The following VAV2 variants were observed in gnomAD, a reference collection of about 807,000 sequenced individuals.
The protein encoded by VAV2 is guanine nucleotide exchange factor VAV2.
Under a neutral mutation model 132.5 loss-of-function variants are expected in VAV2, and 67 were observed. The ratio of observed to expected loss-of-function variants is 0.51; its 90% CI spans 0.42 to 0.62. The LOEUF is 0.62. VAV2 is among the 20% of genes least tolerant of loss of function. The pLI, the probability that VAV2 is intolerant of heterozygous loss-of-function variation, is 0.00. For missense variants in VAV2, 938 were observed against 1,153.6 expected, an observed-to-expected ratio of 0.81 and a Z score of 2.71; for synonymous variants, 492 against 443.5, an observed-to-expected ratio of 1.11 and a Z score of -1.37.
intron 2 of VAV2, among the ~76,000 whole-genome samples, chr9:133,871,231 G>A (rs1250283833): frequency 6.7e-6 from 1 of 148,484 alleles, no homozygotes; most frequent in Non-Finnish European, 1.5e-5. Context: ...TACGTAGGTG[G>A]GTGGGCAGAT....
intron 2 of VAV2, among the ~76,000 whole-genome samples, chr9:133,916,369 A>C (rs2789834): frequency 6.6e-6 from 1 of 152,170 alleles, no homozygotes; most frequent in Non-Finnish European, 1.5e-5. Context: ...GTTTCTCTCC[A>C]CGGGATAAAG....
chr9:133,964,818 T>C (rs1842093579), intron 1 of VAV2, among the ~76,000 whole-genome samples: 1 of 152,114 alleles, frequency 6.6e-6, no homozygotes, highest in South Asian at 2.1e-4. Flanking sequence ...GAAGGAGCAC[T>C]CCTCTACACA....
chr9:133,833,425 C>T lies in VAV2; in HGVS notation c.449+847G>A, dbSNP rs764303286. Among the ~76,000 whole-genome samples, 8 of 152,174 alleles carry T rather than the reference C, an allele frequency of 5.3e-5. No homozygotes were observed. Among genetic ancestry groups the T allele is most frequent in the African/African-American group, 1.2e-4 (5 of 41,434 alleles). ...ACACTAAGAGTCTTCCAGAAGAAAC[C>T]GTAGTTGAGCTAAGAACACACAAGC... On this transcript the variant is annotated intron_variant, in intron 4 of 29. Coordinates refer to ENST00000371850, the MANE Select transcript of VAV2 (RefSeq NM_001134398.2). This position sits in a 1 kb window ranked among gnomAD's most constrained non-coding sequence, Gnocchi z 5.6.
At chr9:133,923,272 G>C (rs1477961932) in intron 2 of VAV2, among the ~76,000 whole-genome samples, 3 of 152,206 alleles carry the variant, frequency 2.0e-5, no homozygotes, top group Non-Finnish European at 4.4e-5. Flanking sequence ...GGGGAGAACA[G>C]TACGGAGTTT....
chr9:133,851,909 G>GGATGGGTGGA (rs1837196717), intron 3 of VAV2, among the ~76,000 whole-genome samples: 2 of 140,746 alleles, frequency 1.4e-5, no homozygotes, highest in African/African-American at 5.6e-5. Flanking sequence ...GGATGGATGG[G>GGATGGGTGGA]TGGATGGATG....
chr9:133,858,936 G>A (rs1837490315), intron 3 of VAV2, among the ~76,000 whole-genome samples: 2 of 152,238 alleles, frequency 1.3e-5, no homozygotes, highest in Non-Finnish European at 2.9e-5. Context: ...ACCTGAGAGG[G>A]AAGAGGGCAG....
At chr9:133,964,070 A>AT (rs1564507864) in intron 1 of VAV2, among the ~76,000 whole-genome samples, 17 of 89,324 alleles carry the variant, frequency 1.9e-4, no homozygotes, top group South Asian at 3.7e-4. Flanking sequence ...CATATATATA[A>AT]ATGAATAGGC....
chr9:133,899,511 C>T (rs1049322179), intron 2 of VAV2, among the ~76,000 whole-genome samples: 48 of 151,850 alleles, frequency 3.2e-4, no homozygotes, highest in African/African-American at 9.6e-4. Context: ...TGGGTTCAAG[C>T]GATTCTCATG....
intron 16 of VAV2, among the ~76,000 whole-genome samples, chr9:133,786,892 G>C (rs1834248460): frequency 6.6e-6 from 1 of 152,180 alleles, no homozygotes; most frequent in African/African-American, 2.4e-5. Context: ...GAGGAGGAAA[G>C]AAACAAGGAA....
intron 2 of VAV2, among the ~76,000 whole-genome samples, chr9:133,917,217 G>A (rs973072064): frequency 2.6e-5 from 4 of 152,016 alleles, no homozygotes; most frequent in African/African-American, 9.7e-5. Context: ...CCTCTTCCAG[G>A]GGCCAAGTTC....
At chr9:133,858,696 G>A (rs1170398311) in intron 3 of VAV2, among the ~76,000 whole-genome samples, 1 of 152,188 alleles carries the variant, frequency 6.6e-6, no homozygotes, top group African/African-American at 2.4e-5. Flanking sequence ...GACGCCCCCA[G>A]TGTTTATCCT....
At chr9:133,980,560 GGCA>G (rs1452699369) in intron 1 of VAV2, among the ~76,000 whole-genome samples, 1 of 152,150 alleles carries the variant, frequency 6.6e-6, no homozygotes, top group African/African-American at 2.4e-5. Context: ...CCAGCCATGG[GGCA>G]TGGCCACCTC....
intron 3 of VAV2, among the ~76,000 whole-genome samples, chr9:133,858,568 G>A (rs1029283505): frequency 1.3e-5 from 2 of 152,144 alleles, no homozygotes; most frequent in African/African-American, 4.8e-5. Flanking sequence ...GAGAACCTGA[G>A]GATGGTCTTG....
Position 133,912,633 on chromosome 9 carries a change from T to A in VAV2, c.321+26470A>T, listed in dbSNP as rs1218381234. On this transcript the variant is annotated intron_variant, in intron 2 of 29. Coordinates refer to ENST00000371850, the MANE Select transcript of VAV2 (RefSeq NM_001134398.2). The surrounding 1 kb of genome is among the most constrained non-coding windows in gnomAD (Gnocchi z 4.3). ...GGAACACAAATTACACGTGTGATGC[T>A]CTTCTCCACGTGTGCACAGCACTCC... Among the ~76,000 whole-genome samples the A allele has an allele frequency of 6.6e-6, 1 of 152,106 alleles. No individual in the cohort carries two copies. Among genetic ancestry groups the A allele is most frequent in the African/African-American group, 2.4e-5 (1 of 41,404 alleles).
intron 1 of VAV2, among the ~76,000 whole-genome samples, chr9:133,976,171 A>C (rs918650526): frequency 6.6e-6 from 1 of 151,676 alleles, no homozygotes; most frequent in African/African-American, 2.4e-5. Flanking sequence ...GCACCACTGC[A>C]CTCCAGACTG....
chr9:133,852,241 C>T (rs1032377707), intron 3 of VAV2, among the ~76,000 whole-genome samples: 2 of 148,838 alleles, frequency 1.3e-5, no homozygotes, highest in Admixed American at 1.3e-4. Context: ...TTGGTGGGTG[C>T]GTGGATGGGT....
chr9:133,779,229 C>T (rs546176332), intron 21 of VAV2, among the ~76,000 whole-genome samples: 149 of 152,322 alleles, frequency 9.8e-4, no homozygotes, highest in African/African-American at 3.2e-3. Context: ...AGACGGGCGA[C>T]GGGTCAGCAG....
At position 133,863,272 on chromosome 9, in the gene VAV2, C is replaced by T. The variant is rs190895647; in HGVS notation, c.322-1840G>A. Among the ~76,000 whole-genome samples the T allele has an allele frequency of 7.2e-5, 11 of 152,248 alleles. No homozygotes were observed. The highest frequency in any genetic ancestry group is 3.8e-4 in the East Asian group (2 of 5,202). On this transcript the variant is annotated intron_variant, in intron 2 of 29. Transcript: ENST00000371850. This position sits in a 1 kb window ranked among gnomAD's most constrained non-coding sequence, Gnocchi z 5.0. ...CCTCTCACACACCTCCTGCGGCAGACGTGGCTGATCAATCCCTCCGAGGAG... is the reference window on the plus strand; with the variant it reads ...CCTCTCACACACCTCCTGCGGCAGATGTGGCTGATCAATCCCTCCGAGGAG...
intron 2 of VAV2, among the ~76,000 whole-genome samples, chr9:133,888,800 T>G (rs1838813149): frequency 6.6e-6 from 1 of 152,180 alleles, no homozygotes; most frequent in Non-Finnish European, 1.5e-5. Context: ...AACATTTAAT[T>G]TCTAGGTCCA....
Sources: gnomAD v4.1 joint callset for allele counts (sites outside exome capture counted in the v4.1 genomes callset) on GRCh38, gnomAD v4.1.1 for gene constraint, Gnocchi (gnomAD v3.1) non-coding constraint, MANE v1.5 for transcripts, NCBI Gene and HGNC (gene_info 2026-07-23, HGNC 2026-07-21) for gene names.